TBL1XR1: variants seen among roughly 807,000 people sequenced by gnomAD.
TBL1XR1 encodes F-box-like/WD repeat-containing protein TBL1XR1.
In TBL1XR1, 5 loss-of-function variants were observed where a neutral mutation model predicts 66.9. The observed-to-expected ratio is 0.07, with a 90% confidence interval of 0.04 to 0.16. TBL1XR1 has a LOEUF of 0.16. TBL1XR1 is among the 10% of genes least tolerant of loss of function. The pLI is 1.00. For synonymous variants in TBL1XR1, 210 were observed against 206.0 expected (o/e 1.02, Z -0.17); for missense variants, 238 against 623.2 (o/e 0.38, Z 6.58).
At chr3:177,191,909 A>G (rs1736189370) in intron 1 of TBL1XR1, among the ~76,000 whole-genome samples, 3 of 148,634 alleles carry the variant, frequency 2.0e-5, no homozygotes, top group African/African-American at 7.5e-5. Context: ...CCTGACCAAC[A>G]TGGTGAAACC....
intron 1 of TBL1XR1, among the ~76,000 whole-genome samples, chr3:177,145,687 T>C (rs903743285): frequency 1.3e-5 from 2 of 152,248 alleles, no homozygotes; most frequent in African/African-American, 2.4e-5. Flanking sequence ...AAGACCCAGA[T>C]AGCACCAATG....
intron 7 of TBL1XR1, among the ~76,000 whole-genome samples, chr3:177,048,461 T>C (rs1188863223): frequency 1.3e-5 from 2 of 152,172 alleles, no homozygotes; most frequent in Non-Finnish European, 2.9e-5. Context: ...TTTAGCAGTA[T>C]GGCTAAGTGA....
At chr3:177,112,608 A>G (rs1166380504) in intron 1 of TBL1XR1, among the ~76,000 whole-genome samples, 2 of 152,144 alleles carry the variant, frequency 1.3e-5, no homozygotes, top group African/African-American at 2.4e-5. Context: ...ACTATTTTGT[A>G]CAGTACATAA....
In TBL1XR1 at chr3:177,020,932, G is replaced by A. The variant is rs996848849; in HGVS notation, c.*4566C>T. 8 of 152,152 alleles carry A rather than the reference G, an allele frequency of 5.3e-5. No homozygotes were observed. The highest frequency in any genetic ancestry group is 1.9e-4 in the African/African-American group (8 of 41,454). The allele number at this position is 152,152 out of a possible 1,614,324, so 9.4% of individuals were successfully genotyped here. Reference sequence around the variant, plus strand: ...GATGTGGAACTAAAATACGTCGTAAGTGTAATTAACATGGTCCAGGACAGC... The same window carrying A: ...GATGTGGAACTAAAATACGTCGTAAATGTAATTAACATGGTCCAGGACAGC... On this transcript the variant is annotated 3_prime_UTR_variant, in exon 16 of 16. Transcript: ENST00000457928.
chr3:177,133,046 T>C (rs1217067354), intron 1 of TBL1XR1, among the ~76,000 whole-genome samples: 1 of 152,152 alleles, frequency 6.6e-6, no homozygotes, highest in Non-Finnish European at 1.5e-5. Context: ...CCCAGCACTT[T>C]CAGAAGCCAA....
At chr3:177,170,310 C>A (rs976438111) in intron 1 of TBL1XR1, among the ~76,000 whole-genome samples, 1 of 152,166 alleles carries the variant, frequency 6.6e-6, no homozygotes, top group Non-Finnish European at 1.5e-5. Context: ...AAAACACTTA[C>A]CTGTAGACCT....
upstream of TBL1XR1, among the ~76,000 whole-genome samples, chr3:177,197,606 G>C (rs1255992037): frequency 2.2e-5 from 3 of 137,490 alleles, no homozygotes; most frequent in Admixed American, 7.1e-5. Context: ...AAACAAACCC[G>C]AGCGGCCTGC....
At chr3:177,101,474 G>A (rs1431293624) in intron 1 of TBL1XR1, among the ~76,000 whole-genome samples, 1 of 152,172 alleles carries the variant, frequency 6.6e-6, no homozygotes, top group Non-Finnish European at 1.5e-5. Flanking sequence ...ACATTTGGAG[G>A]TGGGGCCTTT....
rs181921608 is a variant in TBL1XR1 at position 177,096,538 on chromosome 3, C to T, written c.-46+1928G>A. Among the ~76,000 whole-genome samples, 7 of 152,266 alleles carry T rather than the reference C, an allele frequency of 4.6e-5. 1 individual carries two copies. The highest frequency in any genetic ancestry group is 1.3e-4 in the Admixed American group (2 of 15,286). On this transcript the variant is annotated intron_variant, in intron 2 of 15. Coordinates refer to ENST00000457928, the MANE Select transcript of TBL1XR1 (RefSeq NM_024665.7). ...TTGTAAGAGATAGGTAGCTTCATGA[C>T]ACCTGTATCTCAGATACCCAACTGG...
At chr3:177,094,948 T>A (rs1252433930) in intron 2 of TBL1XR1, among the ~76,000 whole-genome samples, 1 of 151,614 alleles carries the variant, frequency 6.6e-6, no homozygotes, top group East Asian at 1.9e-4. Context: ...AACCACCACC[T>A]ATTCCCCCAA....
At chr3:177,127,873 T>C (rs1727828848) in intron 1 of TBL1XR1, among the ~76,000 whole-genome samples, 2 of 152,176 alleles carry the variant, frequency 1.3e-5, no homozygotes, top group Non-Finnish European at 2.9e-5. Flanking sequence ...CTTTAAAAAC[T>C]TGGTCAAGAT....
intron 14 of TBL1XR1, among the ~76,000 whole-genome samples, chr3:177,028,202 A>G (rs1713429242): frequency 6.6e-6 from 1 of 152,222 alleles, no homozygotes; most frequent in Non-Finnish European, 1.5e-5. Flanking sequence ...ATCATACAAG[A>G]AAGGGGAAAA....
intron 1 of TBL1XR1, among the ~76,000 whole-genome samples, chr3:177,172,003 C>T (rs994919503): frequency 2.0e-5 from 3 of 151,994 alleles, no homozygotes; most frequent in East Asian, 1.9e-4. Context: ...CGGTGGCTCA[C>T]GCCTGTAATC....
chr3:177,050,760 G>A, intron 5 of TBL1XR1, 150 bp from the exon 6 acceptor site: 1 of 446,794 alleles, frequency 2.2e-6, no homozygotes, highest in Non-Finnish European at 3.2e-6. Context: ...TGACTACACA[G>A]TCTTAGTCAC....
intron 1 of TBL1XR1, among the ~76,000 whole-genome samples, chr3:177,149,485 A>G (rs1326877870): frequency 6.7e-6 from 1 of 149,416 alleles, no homozygotes; most frequent in Non-Finnish European, 1.5e-5. Flanking sequence ...ACTGGGGTTT[A>G]AAATGGCTAA....
intron 1 of TBL1XR1, among the ~76,000 whole-genome samples, chr3:177,182,054 G>C (rs768991895): frequency 1.8e-4 from 28 of 152,128 alleles, no homozygotes; most frequent in Non-Finnish European, 2.9e-5. Context: ...AAAAACCAAA[G>C]AGCAGGGTGC....
intron 1 of TBL1XR1, among the ~76,000 whole-genome samples, chr3:177,183,225 A>G (rs1022704251): frequency 2.6e-5 from 4 of 152,216 alleles, no homozygotes; most frequent in Non-Finnish European, 5.9e-5. Flanking sequence ...TTGAACGAGT[A>G]TTTTCTAAAT....
intron 1 of TBL1XR1, among the ~76,000 whole-genome samples, chr3:177,111,376 G>T (rs547014455): frequency 6.6e-6 from 1 of 151,560 alleles, no homozygotes; most frequent in South Asian, 2.1e-4. Context: ...GGGTTCAAGC[G>T]ATTCACCTGC....
chr3:177,127,026 T>C (rs1278158606), intron 1 of TBL1XR1, among the ~76,000 whole-genome samples: 2 of 152,216 alleles, frequency 1.3e-5, no homozygotes, highest in African/African-American at 4.8e-5. Flanking sequence ...TCTCTTCTCA[T>C]AAAATGCGTT....
Sources: gnomAD v4.1 joint callset for allele counts (sites outside exome capture counted in the v4.1 genomes callset) on GRCh38, gnomAD v4.1.1 for gene constraint, MANE v1.5 for transcripts, NCBI Gene and HGNC (gene_info 2026-07-23, HGNC 2026-07-21) for gene names.